Variants in WDPCP observed in about 807,000 individuals in gnomAD.
WDPCP encodes WD repeat containing planar cell polarity effector, also known as WD repeat-containing and planar cell polarity effector protein fritz homolog.
WDPCP carries 71 observed loss-of-function variants against 93.1 expected under a neutral mutation model. The ratio of observed to expected loss-of-function variants is 0.76; its 90% CI spans 0.63 to 0.93. The LOEUF (loss-of-function observed/expected upper bound fraction) is 0.93. Among genes scored for constraint, WDPCP ranks in the 40% least tolerant of loss-of-function variants. The pLI is 0.00. For synonymous variants in WDPCP, 315 were observed against 315.0 expected, an observed-to-expected ratio of 1.00 and a Z score of 0.00; for missense variants, 844 against 887.4, an observed-to-expected ratio of 0.95 and a Z score of 0.62.
chr2:63,286,363 G>A (rs568121796), intron 13 of WDPCP, among the ~76,000 whole-genome samples: 35 of 152,058 alleles, frequency 2.3e-4, no homozygotes, highest in Middle Eastern at 6.8e-3. Flanking sequence ...CACCCTAACC[G>A]ATCAATGTAC....
chr2:63,482,542 A>G (rs1219680162), intron 6 of WDPCP, among the ~76,000 whole-genome samples: 2 of 152,018 alleles, frequency 1.3e-5, no homozygotes, highest in African/African-American at 2.4e-5. Context: ...TTAAGCTAAT[A>G]ACGTAGCTTG....
intron 3 of WDPCP, among the ~76,000 whole-genome samples, chr2:63,633,113 T>C (rs190566555): frequency 6.6e-5 from 10 of 152,216 alleles, no homozygotes; most frequent in Admixed American, 5.9e-4. Context: ...TCAAAAATAT[T>C]TTACCCTGCA....
intron 13 of WDPCP, among the ~76,000 whole-genome samples, chr2:63,265,305 A>C (rs35684492): frequency 0.096 from 14,636 of 152,206 alleles, 890 homozygotes; most frequent in South Asian, 0.17. Context: ...GAAAAAAGAG[A>C]AGATTCAAAT....
At chr2:63,748,669 T>C (rs1669834749) in intron 2 of WDPCP, among the ~76,000 whole-genome samples, 1 of 152,126 alleles carries the variant, frequency 6.6e-6, no homozygotes, top group Non-Finnish European at 1.5e-5. Flanking sequence ...CCTTATTCCT[T>C]TAAGCATAGT....
intron 2 of WDPCP, among the ~76,000 whole-genome samples, chr2:63,739,094 A>G (rs1462354596): frequency 6.6e-6 from 1 of 152,080 alleles, no homozygotes; most frequent in Non-Finnish European, 1.5e-5. Context: ...AGGTAAATAC[A>G]TTTCACAGGG....
intron 13 of WDPCP, among the ~76,000 whole-genome samples, chr2:63,292,348 T>C (rs1684509606): frequency 7.6e-6 from 1 of 131,140 alleles, no homozygotes; most frequent in Non-Finnish European, 1.6e-5. Flanking sequence ...GCAGCTGGAT[T>C]TTCTATCCTA....
At chr2:63,704,759 C>G (rs1168811270) in intron 2 of WDPCP, among the ~76,000 whole-genome samples, 3 of 152,076 alleles carry the variant, frequency 2.0e-5, no homozygotes, top group Non-Finnish European at 2.9e-5. Flanking sequence ...CTAAAATGCT[C>G]TTTTTTTGTT....
At chr2:63,355,545 A>G (rs1459316188) in intron 12 of WDPCP, among the ~76,000 whole-genome samples, 2 of 152,156 alleles carry the variant, frequency 1.3e-5, no homozygotes, top group Admixed American at 6.5e-5. Flanking sequence ...CATACAAACA[A>G]GCTAACATAA....
intron 1 of WDPCP, among the ~76,000 whole-genome samples, chr2:63,533,561 C>G (rs886561684): frequency 6.6e-6 from 1 of 152,158 alleles, no homozygotes; most frequent in African/African-American, 2.4e-5. Context: ...GAGACTCGCT[C>G]AAAACTGCTC....
At chr2:63,361,577 A>C (rs1250118688) in intron 12 of WDPCP, among the ~76,000 whole-genome samples, 4 of 152,246 alleles carry the variant, frequency 2.6e-5, no homozygotes, top group African/African-American at 9.6e-5. Flanking sequence ...AAATAAAGCC[A>C]GTTAAGTCTA....
At chr2:63,281,478 G>C (rs1260654748) in intron 13 of WDPCP, among the ~76,000 whole-genome samples, 1 of 152,124 alleles carries the variant, frequency 6.6e-6, no homozygotes, top group Non-Finnish European at 1.5e-5. Context: ...CCCACTACTG[G>C]GATCTGCTCA....
intron 6 of WDPCP, among the ~76,000 whole-genome samples, chr2:63,455,435 TATATAC>T (rs1458612629): frequency 4.8e-5 from 7 of 146,384 alleles, no homozygotes; most frequent in Non-Finnish European, 4.5e-5. Context: ...TATATATATA[TATATAC>T]ACACACACAC....
chr2:63,424,325 G>C (rs1696094378), intron 9 of WDPCP, among the ~76,000 whole-genome samples: 1 of 152,032 alleles, frequency 6.6e-6, no homozygotes, highest in Admixed American at 6.5e-5. Flanking sequence ...GTGGTCATAG[G>C]TTCTCCATTT....
intron 2 of WDPCP, among the ~76,000 whole-genome samples, chr2:63,721,520 C>G (rs897775531): frequency 3.3e-5 from 5 of 152,174 alleles, no homozygotes; most frequent in African/African-American, 1.2e-4. Context: ...ACAGAGCAGT[C>G]AGAGTGTCTT....
At chr2:63,312,157 C>A (rs1333277749) in intron 13 of WDPCP, among the ~76,000 whole-genome samples, 1 of 152,114 alleles carries the variant, frequency 6.6e-6, no homozygotes, top group East Asian at 1.9e-4. Context: ...ATAGAATGTT[C>A]ACACTTTTGA....
intron 1 of WDPCP, among the ~76,000 whole-genome samples, chr2:63,815,452 T>A (rs1326770221): frequency 6.6e-6 from 1 of 152,248 alleles, no homozygotes; most frequent in African/African-American, 2.4e-5. Context: ...CTTTTCCTTA[T>A]TTTTTATTAA....
chr2:63,635,284 C>T (rs774259352), intron 3 of WDPCP, among the ~76,000 whole-genome samples: 49 of 152,068 alleles, frequency 3.2e-4, no homozygotes, highest in Non-Finnish European at 5.4e-4. Flanking sequence ...GCAAATTCTA[C>T]CAAATGTTCA....
rs186780112 is a variant in WDPCP, at chr2:63,386,755, T to G, written c.1436-4661A>C. Among the ~76,000 whole-genome samples, 3 of 152,144 alleles carry G rather than the reference T, an allele frequency of 2.0e-5. No individual in the cohort carries two copies. The East Asian group carries it at 5.8e-4, about 29-fold the overall frequency. On this transcript the variant is annotated intron_variant, in intron 10 of 17. Transcript: ENST00000272321. Reference sequence around the variant, plus strand: ...GAAAGTACATAGCATTTTTAATCTGTTAGCGAAAATCTGGAAACAAACCAA... The same window carrying G: ...GAAAGTACATAGCATTTTTAATCTGGTAGCGAAAATCTGGAAACAAACCAA...
chr2:63,363,318 G>C (rs1690633462), intron 12 of WDPCP, among the ~76,000 whole-genome samples: 1 of 152,040 alleles, frequency 6.6e-6, no homozygotes, highest in Admixed American at 6.6e-5. Flanking sequence ...GAATATTATG[G>C]CTGGGCGCAA....
Sources: gnomAD v4.1 joint callset for allele counts (sites outside exome capture counted in the v4.1 genomes callset) on GRCh38, gnomAD v4.1.1 for gene constraint, MANE v1.5 for transcripts, NCBI Gene and HGNC (gene_info 2026-07-23, HGNC 2026-07-21) for gene names.